The following FAR1 variants were observed in gnomAD, a reference collection of about 807,000 sequenced individuals.
FAR1 encodes male sterility domain-containing protein 2.
A neutral mutation model predicts 61.1 loss-of-function variants in FAR1; 22 were observed. That is an observed-to-expected ratio of 0.36 (90% confidence interval 0.26 to 0.51). The LOEUF (loss-of-function observed/expected upper bound fraction) is 0.51. FAR1 is among the 20% of genes least tolerant of loss of function. FAR1 has a pLI of 0.95. For synonymous variants in FAR1, 206 were observed against 209.7 expected (o/e 0.98, Z 0.15); for missense variants, 359 against 626.9 (o/e 0.57, Z 4.56).
In FAR1 at chr11:13,721,764, A is replaced by G. The variant is rs897509463; in HGVS notation, c.1162A>G (p.Met388Val). Residue 388 changes from methionine (M) to valine (V), a missense_variant, in exon 10 of 12, where the codon ATG (methionine) becomes GTG (valine). Physicochemically the swap from Met to Val is conservative, Grantham distance 21. This residue lies in a region of FAR1 where 344 missense variants were observed against 570.3 expected (regional missense o/e 0.60). Transcript: ENST00000354817. This position sits in a 1 kb window ranked among gnomAD's most constrained non-coding sequence, Gnocchi z 4.2. ...AACAATAACTCGTCTTCACAAAGCT[A>G]TGGTGTTTCTTGAATATTTCACAAG... ...MKTITRLHKA[M>V]VFLEYFTSNS... 6.2e-7 allele frequency: 1 copy of G among 1,611,404 alleles called. No homozygotes were observed. The highest frequency in any genetic ancestry group is 8.5e-7 in the Non-Finnish European group (1 of 1,178,636).
At chr11:13,717,862 A>G (rs1309232008) in intron 9 of FAR1, among the ~76,000 whole-genome samples, 2 of 151,982 alleles carry the variant, frequency 1.3e-5, no homozygotes, top group Non-Finnish European at 2.9e-5. Context: ...TGGTTTGCTG[A>G]CCCTTGATAT....
At chr11:13,709,281 T>A (rs1468846546) in intron 4 of FAR1, among the ~76,000 whole-genome samples, 1 of 152,164 alleles carries the variant, frequency 6.6e-6, no homozygotes, top group Non-Finnish European at 1.5e-5. Context: ...CCAAGACATT[T>A]TCATTGTAAT....
intron 10 of FAR1, among the ~76,000 whole-genome samples, chr11:13,723,016 A>G (rs974470630): frequency 1.3e-5 from 2 of 151,844 alleles, no homozygotes; most frequent in African/African-American, 4.8e-5. Context: ...TGAGTTTTTG[A>G]TTGTCTGATA....
At chr11:13,696,057 A>G (rs756420064) in intron 2 of FAR1, among the ~76,000 whole-genome samples, 2 of 152,176 alleles carry the variant, frequency 1.3e-5, no homozygotes, top group Non-Finnish European at 2.9e-5. Flanking sequence ...GGAAAGAGTC[A>G]TCAATGGGGC....
chr11:13,700,656 C>CTTT, intron 3 of FAR1, 164 bp downstream of exon 3: 1 of 393,492 alleles, frequency 2.5e-6, no homozygotes, highest in Non-Finnish European at 4.5e-6. Context: ...GAATTCTCTT[C>CTTT]TTCTTCTCAG....
At chr11:13,708,767 T>C (rs552123215) in intron 4 of FAR1, among the ~76,000 whole-genome samples, 1 of 152,024 alleles carries the variant, frequency 6.6e-6, no homozygotes, top group Non-Finnish European at 1.5e-5. Context: ...CCCCCAGCCA[T>C]GGAGTATATA....
chr11:13,688,289 A>G (rs1848212093), intron 1 of FAR1, among the ~76,000 whole-genome samples: 1 of 151,978 alleles, frequency 6.6e-6, no homozygotes, highest in African/African-American at 2.4e-5. Flanking sequence ...TTATAGTAGT[A>G]TAAAATCACT....
intron 11 of FAR1, among the ~76,000 whole-genome samples, chr11:13,728,291 C>T (rs1234149126): frequency 6.6e-6 from 1 of 151,760 alleles, no homozygotes; most frequent in African/African-American, 2.4e-5. Context: ...GGCCTTTGAT[C>T]TTGTGACTGT....
At chr11:13,676,812 C>T (rs949194914) in intron 1 of FAR1, among the ~76,000 whole-genome samples, 3 of 152,144 alleles carry the variant, frequency 2.0e-5, no homozygotes, top group East Asian at 1.9e-4. Flanking sequence ...TAAAGTGATA[C>T]CCTTGTGACC....
At chr11:13,671,180 A>G (rs138569637) in intron 1 of FAR1, among the ~76,000 whole-genome samples, 67 of 152,326 alleles carry the variant, frequency 4.4e-4, no homozygotes, top group African/African-American at 1.5e-3. Context: ...GGAGTGAATC[A>G]GGGAAGGTTT....
intron 9 of FAR1, among the ~76,000 whole-genome samples, chr11:13,716,956 G>A (rs977174154): frequency 2.2e-5 from 2 of 91,910 alleles, no homozygotes; most frequent in East Asian, 3.0e-4. Context: ...CCCACCCCAC[G>A]ACAGGCCCCC....
chr11:13,704,468 A>C (rs1200278171), intron 3 of FAR1, among the ~76,000 whole-genome samples: 1 of 151,384 alleles, frequency 6.6e-6, no homozygotes, highest in Non-Finnish European at 1.5e-5. Flanking sequence ...TAAGAATCTT[A>C]AGAATTACTG....
chr11:13,703,770 G>T (rs1447936411), intron 3 of FAR1, among the ~76,000 whole-genome samples: 1 of 152,106 alleles, frequency 6.6e-6, no homozygotes, highest in African/African-American at 2.4e-5. Flanking sequence ...AGGGCTGGGC[G>T]TGGGGGCTCA....
chr11:13,727,806 A>G lies in FAR1; in HGVS notation c.1385+123A>G, dbSNP rs551344913. ...AAAGATGCAGATAATTTTTAATGGT[A>G]ATCTCTTATATTTGTAGTGCTTTTT... On this transcript the variant is annotated intron_variant, in intron 11 of 11. Coordinates refer to ENST00000354817, the MANE Select transcript of FAR1 (RefSeq NM_032228.6). The G allele has an allele frequency of 1.4e-5, 12 of 883,712 alleles. No individual in the cohort carries two copies. In the Admixed American group the frequency reaches 2.9e-4, roughly 21 times the overall value. The allele number at this position is 883,712 out of a possible 1,614,324, so 54.7% of individuals were successfully genotyped here. A position where few individuals can be genotyped will look rare whatever the true frequency, so the allele number is the denominator to read the frequency against.
intron 3 of FAR1, among the ~76,000 whole-genome samples, chr11:13,705,988 C>T (rs1848427559): frequency 6.6e-6 from 1 of 152,278 alleles, no homozygotes; most frequent in East Asian, 1.9e-4. Context: ...TGGATTCTAT[C>T]TATGACATCT....
Position 13,708,447 on chromosome 11 carries a change from G to GCGCACACACACACA in FAR1, c.545+369_545+370insGCACACACACACAC, listed in dbSNP as rs139902063. On this transcript the variant is annotated intron_variant, in intron 4 of 11. Coordinates refer to ENST00000354817, the MANE Select transcript of FAR1 (RefSeq NM_032228.6). ...CCCATATACATGTGCGCGCGCGCGCGCACACACACACACACACACACACAC... is the reference window on the plus strand; with the variant it reads ...CCCATATACATGTGCGCGCGCGCGCGCGCACACACACACACACACACACACACACACACACACAC... Among the ~76,000 whole-genome samples, 751 of 136,680 alleles carry GCGCACACACACACA rather than the reference G, an allele frequency of 5.5e-3. 3 individuals are homozygous for GCGCACACACACACA. Among genetic ancestry groups the GCGCACACACACACA allele is most frequent in the South Asian group, 0.011 (47 of 4,096 alleles). The allele number at this position is 136,680 out of a possible 152,430, so 89.7% of individuals were successfully genotyped here.
intron 2 of FAR1, among the ~76,000 whole-genome samples, chr11:13,699,214 G>A (rs1439115633): frequency 6.6e-6 from 1 of 152,086 alleles, no homozygotes; most frequent in Non-Finnish European, 1.5e-5. Flanking sequence ...ATGCAGGCCC[G>A]TAACACTTAC....
intron 3 of FAR1, among the ~76,000 whole-genome samples, chr11:13,707,015 A>C (rs1848439656): frequency 1.3e-5 from 2 of 152,214 alleles, no homozygotes; most frequent in South Asian, 4.1e-4. Context: ...TGCTTCAAAA[A>C]AATCGTATGT....
rs1848696648 is a variant in FAR1 at position 13,729,236 on chromosome 11, G to A, written c.*462G>A. The A allele has an allele frequency of 6.6e-6, 1 of 152,482 alleles. No homozygotes were observed. Among genetic ancestry groups the A allele is most frequent in the East Asian group, 1.9e-4 (1 of 5,186 alleles). The allele number at this position is 152,482 out of a possible 1,614,324, so 9.4% of individuals were successfully genotyped here. On this transcript the variant is annotated 3_prime_UTR_variant, in exon 12 of 12. Coordinates refer to ENST00000354817, the MANE Select transcript of FAR1 (RefSeq NM_032228.6). ...TCTTCATTTTTTGTTTTTTTCATTA[G>A]TTGAAGTGGGTTTTAGTTTTGTTTA...
Sources: allele counts gnomAD v4.1 joint callset (sites outside exome capture counted in the v4.1 genomes callset), GRCh38; gene constraint gnomAD v4.1.1; regional missense constraint gnomAD v4.1.1; non-coding constraint Gnocchi (gnomAD v3.1); transcripts MANE v1.5; gene names NCBI Gene and HGNC (gene_info 2026-07-23, HGNC 2026-07-21).